Variants in NUP107 observed in about 807,000 individuals in gnomAD.
The protein encoded by NUP107 is nucleoporin 107, also known as nuclear pore complex protein Nup107.
A neutral mutation model predicts 141.0 loss-of-function variants in NUP107; 101 were observed. The observed-to-expected ratio is 0.72, with a 90% confidence interval of 0.61 to 0.84. NUP107 has a LOEUF of 0.84. Among genes scored for constraint, NUP107 ranks in the 40% least tolerant of loss-of-function variants. NUP107 has a pLI of 0.00. For synonymous variants in NUP107, 319 were observed against 363.9 expected (o/e 0.88, Z 1.41); for missense variants, 941 against 1,102.7 (o/e 0.85, Z 2.08).
intron 8 of NUP107, among the ~76,000 whole-genome samples, chr12:68,703,456 G>GTT (rs1003215806): frequency 2.1e-5 from 3 of 141,170 alleles, no homozygotes; most frequent in Non-Finnish European, 3.1e-5. Flanking sequence ...GAGTTTGTTT[G>GTT]TTTTTTTTTT....
intron 2 of NUP107, 93 bp from the exon 3 acceptor site, chr12:68,689,440 G>T (rs1875668522): frequency 2.7e-6 from 2 of 730,246 alleles, no homozygotes; most frequent in African/African-American, 3.6e-5. Flanking sequence ...CTTGAAAAAT[G>T]TATTCACATA....
intron 8 of NUP107, chr12:68,707,136 A>G: frequency 3.6e-6 from 2 of 555,614 alleles, no homozygotes; most frequent in Non-Finnish European, 3.2e-6. Context: ...TGCTGTCCAG[A>G]GGAGCACAGG....
intron 20 of NUP107, among the ~76,000 whole-genome samples, chr12:68,727,677 C>G (rs951232689): frequency 1.3e-5 from 2 of 152,150 alleles, no homozygotes; most frequent in African/African-American, 4.8e-5. Flanking sequence ...ACAATTAACA[C>G]ATTTTGTATA....
At chr12:68,691,875 A>C in intron 4 of NUP107, 93 bp from the exon 5 acceptor site, 5 of 1,125,116 alleles carry the variant, frequency 4.4e-6, no homozygotes, top group Non-Finnish European at 6.0e-6. Context: ...CATACATATA[A>C]TTTTTAGAAA....
At chr12:68,705,763 A>T in intron 8 of NUP107, 1 of 730,558 alleles carries the variant, frequency 1.4e-6, no homozygotes. Context: ...AATGGGCAGC[A>T]GCAGTTTCCG....
chr12:68,713,705 A>T (rs781017480), intron 10 of NUP107, 25 bp from the exon 11 acceptor site: 1 of 1,544,552 alleles, frequency 6.5e-7, no homozygotes, highest in African/African-American at 1.4e-5. Flanking sequence ...CTCTTAAAAA[A>T]TTTGGTACTT....
intron 26 of NUP107, 134 bp downstream of exon 26, chr12:68,735,478 G>C (rs1878029616): frequency 4.7e-6 from 3 of 635,042 alleles, no homozygotes; most frequent in Non-Finnish European, 8.5e-6. Flanking sequence ...CATGTTTTAA[G>C]CTAAACTGAA....
chr12:68,711,220 G>A (rs990059000), intron 10 of NUP107, among the ~76,000 whole-genome samples: 50 of 151,912 alleles, frequency 3.3e-4, no homozygotes, highest in Non-Finnish European at 4.0e-4. Context: ...GCGTGGTGGC[G>A]GGCGCCTGTA....
chr12:68,708,555 T>G (rs1316562103), intron 8 of NUP107, among the ~76,000 whole-genome samples: 3 of 152,172 alleles, frequency 2.0e-5, no homozygotes, highest in African/African-American at 7.2e-5. Context: ...CTATAAAGGA[T>G]TTTAACGTTT....
In NUP107 at chr12:68,731,257, G is replaced by A; in HGVS notation, c.1882G>A (p.Ala628Thr). The A allele has an allele frequency of 6.3e-7, 1 of 1,594,730 alleles. No individual in the cohort carries two copies. Among genetic ancestry groups the A allele is most frequent in the Non-Finnish European group, 8.5e-7 (1 of 1,173,544 alleles). Residue 628 changes from alanine (A) to threonine (T), a missense_variant, in exon 21 of 28, where the codon GCA becomes ACA. Transcript: ENST00000229179. ...CCATTGCCTGGAGTTGGCTAAAGAA[G>A]CAGGTAAAAATGGTTGAAAACTTTG... is the stretch of plus-strand genomic sequence containing the variant. Reference protein sequence around the residue: ...RHHCLELAKEADLDVATITKT... With the variant: ...RHHCLELAKETDLDVATITKT...
intron 4 of NUP107, among the ~76,000 whole-genome samples, 169 bp from the exon 5 acceptor site, chr12:68,691,799 A>G (rs557396848): frequency 5.1e-4 from 78 of 151,488 alleles, no homozygotes; most frequent in African/African-American, 1.8e-3. Context: ...GTGCCACTGA[A>G]CTCCAGCCTG....
intron 14 of NUP107, among the ~76,000 whole-genome samples, 163 bp downstream of exon 14, chr12:68,719,817 T>G (rs929905819): frequency 1.3e-5 from 2 of 152,190 alleles, no homozygotes; most frequent in African/African-American, 4.8e-5. Context: ...ATTAAAACAC[T>G]GTGTACTAAG....
chr12:68,737,555 T>G (rs1172174263), intron 26 of NUP107, among the ~76,000 whole-genome samples: 1 of 114,276 alleles, frequency 8.8e-6, no homozygotes, highest in Non-Finnish European at 1.7e-5. Context: ...AGTGAGACCC[T>G]GTCTCAAAAA....
At chr12:68,706,189 G>C (rs1184258929) in intron 8 of NUP107, 1 of 766,652 alleles carries the variant, frequency 1.3e-6, no homozygotes. Flanking sequence ...ATATCAAAAA[G>C]CATACAGAGA....
At chr12:68,687,219 G>A in intron 1 of NUP107, 146 bp downstream of exon 1, 1 of 1,187,120 alleles carries the variant, frequency 8.4e-7, no homozygotes. Context: ...CGGGAAATTT[G>A]GCCACAAATG....
intron 10 of NUP107, 86 bp from the exon 11 acceptor site, chr12:68,713,640 GTCTT>G (rs1876972623): frequency 1.1e-6 from 1 of 906,220 alleles, no homozygotes; most frequent in African/African-American, 1.7e-5. Flanking sequence ...ATTGTAGTCT[GTCTT>G]TCTTCCTTTG....
intron 26 of NUP107, chr12:68,739,896 T>A (rs1878252601): frequency 6.6e-6 from 1 of 152,236 alleles, no homozygotes; most frequent in African/African-American, 2.4e-5. Context: ...TTTTACATAT[T>A]TACCGGCTAT....
chr12:68,733,273 T>C (rs770174290), intron 23 of NUP107, among the ~76,000 whole-genome samples, 179 bp from the exon 24 acceptor site: 7 of 152,212 alleles, frequency 4.6e-5, no homozygotes, highest in Non-Finnish European at 8.8e-5. Context: ...TAGTATCACA[T>C]TGAGATACGA....
intron 13 of NUP107, 27 bp downstream of exon 13, chr12:68,719,458 G>A (rs1877260016): frequency 6.3e-7 from 1 of 1,598,388 alleles, no homozygotes. Context: ...TATTCTGACA[G>A]TTGAGGACAA....
Sources: gnomAD v4.1 joint callset for allele counts (sites outside exome capture counted in the v4.1 genomes callset) on GRCh38, gnomAD v4.1.1 for gene constraint, MANE v1.5 for transcripts, NCBI Gene and HGNC (gene_info 2026-07-23, HGNC 2026-07-21) for gene names.